The following ZFHX3 variants were observed in gnomAD, a reference collection of about 807,000 sequenced individuals.
The protein encoded by ZFHX3 is zinc finger homeobox 3.
Under a neutral mutation model 279.1 loss-of-function variants are expected in ZFHX3, and 42 were observed. The observed-to-expected ratio is 0.15, with a 90% CI of 0.12 to 0.19. The LOEUF (loss-of-function observed/expected upper bound fraction) is 0.19. Ranked by LOEUF, ZFHX3 falls within the 10% of genes least tolerant of loss-of-function variation. The pLI is 1.00. For missense variants in ZFHX3, 4,981 were observed against 4,754.0 expected (o/e 1.05, Z -1.40); for synonymous variants, 2,293 against 1,957.8 (o/e 1.17, Z -4.52).
intron 1 of ZFHX3, among the ~76,000 whole-genome samples, chr16:73,791,906 C>A (rs921798435): frequency 2.0e-5 from 3 of 152,164 alleles, no homozygotes; most frequent in East Asian, 1.9e-4. Flanking sequence ...AAGTATGAAG[C>A]CATTCAAGCT....
chr16:73,492,250 A>G, intron 2 of ZFHX3, among the ~76,000 whole-genome samples: 1 of 152,068 alleles, frequency 6.6e-6, no homozygotes, highest in South Asian at 2.1e-4. Flanking sequence ...ACCTTAAACA[A>G]GCCACTCCTG....
chr16:73,601,299 CAAAAAAAAA>C (rs1217744713), intron 2 of ZFHX3, among the ~76,000 whole-genome samples: 1 of 60,484 alleles, frequency 1.7e-5, no homozygotes, highest in Admixed American at 1.8e-4. Context: ...ACTAAAAATA[CAAAAAAAAA>C]AAAAAAAAAA....
At chr16:73,352,908 G>T (rs964657619) in intron 3 of ZFHX3, among the ~76,000 whole-genome samples, 2 of 152,150 alleles carry the variant, frequency 1.3e-5, no homozygotes, top group Admixed American at 6.5e-5. Flanking sequence ...CCCTAAACTG[G>T]CTTGGTTCAG....
intron 7 of ZFHX3, among the ~76,000 whole-genome samples, chr16:73,111,605 G>A (rs529883955): frequency 6.3e-4 from 92 of 147,022 alleles, no homozygotes; most frequent in Non-Finnish European, 1.0e-3. Flanking sequence ...AGGGAAGAAA[G>A]AAAGACAGAA....
intron 2 of ZFHX3, among the ~76,000 whole-genome samples, chr16:73,621,875 C>T (rs1251079197): frequency 6.6e-6 from 1 of 152,074 alleles, no homozygotes; most frequent in Non-Finnish European, 1.5e-5. Flanking sequence ...GAACCAGGAA[C>T]AGCACAAGAC....
chr16:73,393,144 G>A (rs999416054), intron 3 of ZFHX3, among the ~76,000 whole-genome samples: 5 of 152,120 alleles, frequency 3.3e-5, no homozygotes, highest in African/African-American at 1.2e-4. Flanking sequence ...CAGGAAAGAA[G>A]TTTCATTGGC....
chr16:73,386,023 G>T (rs1207289165), intron 3 of ZFHX3, among the ~76,000 whole-genome samples: 1 of 152,142 alleles, frequency 6.6e-6, no homozygotes, highest in Non-Finnish European at 1.5e-5. Context: ...ATGCGGTTTG[G>T]TCTAACACAA....
intron 1 of ZFHX3, among the ~76,000 whole-genome samples, chr16:73,735,897 T>TGG (rs1555536004): frequency 1.7e-4 from 1 of 6,012 alleles, no homozygotes; most frequent in Admixed American, 3.9e-3. Context: ...TTCCGTTTTT[T>TGG]TTTTTTTTTT....
chr16:72,791,291 C>A (rs1001908664), intron 9 of ZFHX3: 3 of 152,206 alleles, frequency 2.0e-5, no homozygotes, highest in African/African-American at 7.2e-5. Context: ...CAAGTTTGTT[C>A]CTTCCCTCCC....
intron 1 of ZFHX3, among the ~76,000 whole-genome samples, chr16:73,874,381 G>C (rs2029889130): frequency 6.6e-6 from 1 of 152,100 alleles, no homozygotes; most frequent in African/African-American, 2.4e-5. Flanking sequence ...CCCCGACTGA[G>C]TTCTAAGAAT....
chr16:73,590,598 T>A (rs1456341525), intron 2 of ZFHX3, among the ~76,000 whole-genome samples: 2 of 152,226 alleles, frequency 1.3e-5, no homozygotes, highest in Non-Finnish European at 2.9e-5. Flanking sequence ...ATTAGAATAT[T>A]CTAGAGAACC....
chr16:73,555,215 C>G (rs948016012), intron 2 of ZFHX3, among the ~76,000 whole-genome samples: 7 of 151,914 alleles, frequency 4.6e-5, no homozygotes, highest in Admixed American at 4.6e-4. Context: ...AGTGCAGTGG[C>G]GCGATCTCAG....
chr16:73,215,380 C>G (rs1794065379), intron 5 of ZFHX3, among the ~76,000 whole-genome samples: 1 of 152,166 alleles, frequency 6.6e-6, no homozygotes. Flanking sequence ...AAAGGCTCAC[C>G]CATACCAAAA....
At chr16:72,881,463 G>C (rs1477122200) in intron 4 of ZFHX3, among the ~76,000 whole-genome samples, 2 of 152,140 alleles carry the variant, frequency 1.3e-5, no homozygotes, top group East Asian at 3.9e-4. Flanking sequence ...GTGACTCTGA[G>C]AAAAAGCCTT....
chr16:72,973,815 T>TA (rs1227306059), intron 1 of ZFHX3: 2 of 152,016 alleles, frequency 1.3e-5, no homozygotes, highest in African/African-American at 4.8e-5. Context: ...GAGGTTGCAG[T>TA]AAGCAGAGAT....
chr16:73,302,708 C>T (rs1431830225), intron 4 of ZFHX3, among the ~76,000 whole-genome samples: 1 of 152,206 alleles, frequency 6.6e-6, no homozygotes, highest in Non-Finnish European at 1.5e-5. Context: ...AGGGAGTCAA[C>T]AGTGGTACTT....
intron 2 of ZFHX3, among the ~76,000 whole-genome samples, chr16:73,460,109 C>G (rs76023246): frequency 0.013 from 2,040 of 152,246 alleles, 38 homozygotes; most frequent in African/African-American, 0.047. Context: ...GGCCACACCC[C>G]CTTCCCTCCC....
chr16:73,683,753 A>C (rs2053050833), intron 1 of ZFHX3, among the ~76,000 whole-genome samples: 3 of 152,216 alleles, frequency 2.0e-5, no homozygotes, highest in Non-Finnish European at 4.4e-5. Context: ...ATTAAGCCTC[A>C]GAGTTGAAAC....
chr16:73,889,422 G>C (rs1291206774), intron 1 of ZFHX3, among the ~76,000 whole-genome samples: 1 of 152,172 alleles, frequency 6.6e-6, no homozygotes, highest in Non-Finnish European at 1.5e-5. Flanking sequence ...CTTCATCTGG[G>C]AAGGGGAAGA....
Sources: gnomAD v4.1 joint callset for allele counts (sites outside exome capture counted in the v4.1 genomes callset) on GRCh38, gnomAD v4.1.1 for gene constraint, MANE v1.5 for transcripts, NCBI Gene and HGNC (gene_info 2026-07-23, HGNC 2026-07-21) for gene names.